Variants in KAZN observed in about 807,000 individuals in gnomAD.
KAZN encodes kazrin.
KAZN carries 40 observed loss-of-function variants against 87.4 expected under a neutral mutation model. That is an observed-to-expected ratio of 0.46 (90% CI 0.36 to 0.60). KAZN has a LOEUF of 0.60. Ranked by LOEUF, KAZN falls within the 20% of genes least tolerant of loss-of-function variation. The pLI is 0.00. For synonymous variants in KAZN, 466 were observed against 458.3 expected, an observed-to-expected ratio of 1.02 and a Z score of -0.22; for missense variants, 898 against 1,073.9, an observed-to-expected ratio of 0.84 and a Z score of 2.29.
At chr1:14,630,086 C>A (rs1385734126) in intron 1 of KAZN, among the ~76,000 whole-genome samples, 1 of 152,162 alleles carries the variant, frequency 6.6e-6, no homozygotes, top group Non-Finnish European at 1.5e-5. Flanking sequence ...TCAGGCCAGT[C>A]CCCCACTGTA....
intron 4 of KAZN, among the ~76,000 whole-genome samples, chr1:15,055,146 G>A (rs1392858089): frequency 6.6e-6 from 1 of 152,184 alleles, no homozygotes; most frequent in African/African-American, 2.4e-5. Context: ...CTTGAATCCT[G>A]GCTAGTCCCT....
At chr1:13,982,190 G>T (rs1638755798) in intron 1 of KAZN, among the ~76,000 whole-genome samples, 1 of 152,334 alleles carries the variant, frequency 6.6e-6, no homozygotes, top group Middle Eastern at 3.4e-3. Flanking sequence ...GATCATGGAC[G>T]TGTTTTCCCT....
intron 1 of KAZN, among the ~76,000 whole-genome samples, chr1:13,896,921 A>G (rs1328516923): frequency 6.6e-6 from 1 of 152,196 alleles, no homozygotes; most frequent in African/African-American, 2.4e-5. Flanking sequence ...AGGCAGGGCA[A>G]AATTGGGCAC....
At chr1:14,105,281 G>A (rs184141883) in intron 1 of KAZN, among the ~76,000 whole-genome samples, 2 of 152,294 alleles carry the variant, frequency 1.3e-5, no homozygotes, top group Admixed American at 6.5e-5. Context: ...GAACCAACCC[G>A]ATCTGGGAGA....
At chr1:15,015,275 CCTGGGTAG>C (rs1221830507) in intron 2 of KAZN, among the ~76,000 whole-genome samples, 2 of 151,988 alleles carry the variant, frequency 1.3e-5, no homozygotes, top group African/African-American at 4.8e-5. Context: ...GCTTCAGCCT[CCTGGGTAG>C]CTGGGATTAC....
intron 1 of KAZN, among the ~76,000 whole-genome samples, chr1:14,849,938 C>CCCCT (rs1553144800): frequency 7.0e-6 from 1 of 143,288 alleles, no homozygotes; most frequent in African/African-American, 2.6e-5. Flanking sequence ...TCTACCCCCC[C>CCCCT]TTTTTTTTTT....
intron 1 of KAZN, among the ~76,000 whole-genome samples, chr1:14,718,441 G>A (rs1642921511): frequency 6.6e-6 from 1 of 152,184 alleles, no homozygotes; most frequent in Non-Finnish European, 1.5e-5. Flanking sequence ...TTTCCATTTT[G>A]GAGGGTTTCC....
chr1:14,220,464 G>C (rs933262755), intron 2 of KAZN, among the ~76,000 whole-genome samples: 1 of 152,104 alleles, frequency 6.6e-6, no homozygotes, highest in African/African-American at 2.4e-5. Context: ...TCTGTGTCGA[G>C]AGGACTTACA....
chr1:15,005,035 C>T (rs983456296), intron 2 of KAZN, among the ~76,000 whole-genome samples: 2 of 152,142 alleles, frequency 1.3e-5, no homozygotes, highest in Admixed American at 6.6e-5. Flanking sequence ...TGAGACCTCA[C>T]AGCCTCATAT....
At chr1:13,893,071 G>A (rs912439830) in exon 1 of KAZN, 2 of 151,944 alleles carry the variant, frequency 1.3e-5, no homozygotes, top group Non-Finnish European at 2.9e-5. Context: ...CGCCTGGCGC[G>A]TGCAGGACCT....
At chr1:14,030,288 G>C (rs556737498) in intron 1 of KAZN, among the ~76,000 whole-genome samples, 1 of 152,072 alleles carries the variant, frequency 6.6e-6, no homozygotes, top group East Asian at 1.9e-4. Flanking sequence ...TCTGTTGTTG[G>C]ATGAAATTGG....
chr1:14,140,599 T>C (rs559587339), intron 1 of KAZN, among the ~76,000 whole-genome samples: 2 of 152,128 alleles, frequency 1.3e-5, no homozygotes, highest in African/African-American at 4.8e-5. Flanking sequence ...AAGAGCCCAA[T>C]CATTCTTTTT....
At chr1:14,096,351 C>T (rs760557021) in intron 1 of KAZN, among the ~76,000 whole-genome samples, 1 of 152,208 alleles carries the variant, frequency 6.6e-6, no homozygotes, top group Non-Finnish European at 1.5e-5. Flanking sequence ...CCTCTTTCAA[C>T]TGATGCTACA....
chr1:14,726,639 A>C (rs1298784479), intron 1 of KAZN, among the ~76,000 whole-genome samples: 2 of 152,358 alleles, frequency 1.3e-5, no homozygotes, highest in Admixed American at 1.3e-4. Flanking sequence ...AAAGCGATGA[A>C]TACTTAGGTA....
At chr1:14,391,282 G>C (rs1014614565) in intron 2 of KAZN, among the ~76,000 whole-genome samples, 37 of 152,172 alleles carry the variant, frequency 2.4e-4, no homozygotes, top group African/African-American at 8.7e-4. Flanking sequence ...GACTCCAAAT[G>C]TTGAGGTATC....
At chr1:14,210,713 T>G (rs1195621419) in intron 2 of KAZN, among the ~76,000 whole-genome samples, 1 of 152,152 alleles carries the variant, frequency 6.6e-6, no homozygotes, top group Admixed American at 6.5e-5. Flanking sequence ...TTATTTATTT[T>G]AAAACAATAA....
At chr1:14,054,547 A>G (rs1304600262) in intron 1 of KAZN, among the ~76,000 whole-genome samples, 1 of 152,248 alleles carries the variant, frequency 6.6e-6, no homozygotes, top group African/African-American at 2.4e-5. Flanking sequence ...CCTAGGGGCT[A>G]AATTCTGGAA....
rs181720365 is a variant in KAZN, at chr1:14,000,298, A to G, written c.91+106542A>G. Among the ~76,000 whole-genome samples the G allele has an allele frequency of 2.1e-3, 326 of 152,350 alleles. 2 individuals carry two copies. The East Asian group carries it at 0.026, about 12-fold the overall frequency. ...ATGAACATCGATGCAAAAATCCTCA[A>G]TAAAATACTGGCAAACCAAATCTAG... is the stretch of plus-strand genomic sequence containing the variant. On this transcript the variant is annotated intron_variant, in intron 1 of 16. Coordinates refer to the KAZN transcript ENST00000636203.
intron 2 of KAZN, among the ~76,000 whole-genome samples, chr1:14,256,348 A>G (rs1396577210): frequency 6.6e-6 from 1 of 151,586 alleles, no homozygotes; most frequent in Non-Finnish European, 1.5e-5. Flanking sequence ...CATATTACCC[A>G]CCCCCGCAAC....
Sources: allele counts gnomAD v4.1 joint callset (sites outside exome capture counted in the v4.1 genomes callset), GRCh38; gene constraint gnomAD v4.1.1; transcripts MANE v1.5; gene names NCBI Gene and HGNC (gene_info 2026-07-23, HGNC 2026-07-21).